NCAM2: variants seen among roughly 807,000 people sequenced by gnomAD.
The protein encoded by NCAM2 is N-CAM-2.
Under a neutral mutation model 98.1 loss-of-function variants are expected in NCAM2, and 30 were observed. The observed-to-expected ratio is 0.31, with a 90% CI of 0.23 to 0.41. NCAM2 has a LOEUF of 0.41. Ranked by LOEUF, NCAM2 falls within the 10% of genes least tolerant of loss-of-function variation. The pLI is 1.00. For synonymous variants in NCAM2, 368 were observed against 342.4 expected, an observed-to-expected ratio of 1.07 and a Z score of -0.83; for missense variants, 867 against 1,005.8, an observed-to-expected ratio of 0.86 and a Z score of 1.87.
At chr21:21,436,101 T>G (rs1978318635) in intron 12 of NCAM2, among the ~76,000 whole-genome samples, 1 of 152,228 alleles carries the variant, frequency 6.6e-6, no homozygotes, top group African/African-American at 2.4e-5. Flanking sequence ...ATAACATGAT[T>G]TTTGCTGACA....
intron 1 of NCAM2, among the ~76,000 whole-genome samples, chr21:21,276,368 T>G (rs2072728896): frequency 6.6e-6 from 1 of 152,082 alleles, no homozygotes; most frequent in African/African-American, 2.4e-5. Context: ...CCAACTCTAC[T>G]TATAAGATTG....
intron 1 of NCAM2, among the ~76,000 whole-genome samples, chr21:21,264,473 G>C (rs551988450): frequency 6.6e-6 from 1 of 151,968 alleles, no homozygotes; most frequent in South Asian, 2.1e-4. Flanking sequence ...ACTACCATTT[G>C]ACCTAGCAAT....
chr21:21,379,750 A>G (rs1018262120), intron 9 of NCAM2, among the ~76,000 whole-genome samples: 1 of 152,036 alleles, frequency 6.6e-6, no homozygotes, highest in Non-Finnish European at 1.5e-5. Context: ...TGTCAGTTAG[A>G]TCAAGGTAAA....
chr21:21,416,743 T>C (rs1408220415), intron 10 of NCAM2, among the ~76,000 whole-genome samples: 6 of 152,176 alleles, frequency 3.9e-5, no homozygotes, highest in Non-Finnish European at 8.8e-5. Flanking sequence ...TATATTATCT[T>C]ATATTTTCAT....
chr21:21,201,374 G>A (rs1031085413), intron 1 of NCAM2, among the ~76,000 whole-genome samples: 22 of 152,088 alleles, frequency 1.4e-4, no homozygotes, highest in African/African-American at 5.1e-4. Context: ...CAGGTGCCAC[G>A]GCCTGTGACC....
At chr21:21,151,678 T>A (rs1440080998) in intron 1 of NCAM2, among the ~76,000 whole-genome samples, 1 of 152,086 alleles carries the variant, frequency 6.6e-6, no homozygotes, top group Non-Finnish European at 1.5e-5. Flanking sequence ...CTCCGTTATA[T>A]CTAATCATGT....
chr21:21,049,365 A>G (rs1183622297), intron 1 of NCAM2, among the ~76,000 whole-genome samples: 1 of 152,086 alleles, frequency 6.6e-6, no homozygotes, highest in Non-Finnish European at 1.5e-5. Flanking sequence ...AAATTCTAAC[A>G]TAATTTTTCA....
intron 8 of NCAM2, among the ~76,000 whole-genome samples, chr21:21,346,950 A>G (rs1369191332): frequency 6.6e-6 from 1 of 151,964 alleles, no homozygotes; most frequent in African/African-American, 2.4e-5. Flanking sequence ...ATGCAATCTA[A>G]TGATAAATCA....
At chr21:21,403,006 G>A (rs1006387109) in intron 9 of NCAM2, among the ~76,000 whole-genome samples, 4 of 152,064 alleles carry the variant, frequency 2.6e-5, no homozygotes, top group Admixed American at 1.3e-4. Flanking sequence ...ACTGATGTGA[G>A]TTTATATCTT....
intron 15 of NCAM2, among the ~76,000 whole-genome samples, chr21:21,486,607 A>G (rs894478196): frequency 1.3e-5 from 2 of 152,188 alleles, no homozygotes; most frequent in Non-Finnish European, 1.5e-5. Context: ...TGATCTTTCC[A>G]ATAAATTAGA....
intron 1 of NCAM2, among the ~76,000 whole-genome samples, chr21:21,164,949 T>C (rs2067903779): frequency 6.6e-6 from 1 of 152,330 alleles, no homozygotes; most frequent in African/African-American, 2.4e-5. Flanking sequence ...AAAAATTGAT[T>C]GAATTTGTAT....
intron 12 of NCAM2, among the ~76,000 whole-genome samples, chr21:21,464,543 A>G (rs1408225475): frequency 1.3e-5 from 2 of 152,248 alleles, no homozygotes; most frequent in Non-Finnish European, 2.9e-5. Flanking sequence ...ACCAAACAAA[A>G]TGCTAAATAA....
intron 1 of NCAM2, among the ~76,000 whole-genome samples, chr21:21,172,697 C>A (rs2146855302): frequency 6.6e-6 from 1 of 152,192 alleles, no homozygotes; most frequent in South Asian, 2.1e-4. Context: ...TCTAGAGCTG[C>A]AGGCGATTCA....
At chr21:20,999,837 C>A (rs1434931708) in intron 1 of NCAM2, among the ~76,000 whole-genome samples, 2 of 152,164 alleles carry the variant, frequency 1.3e-5, no homozygotes, top group Non-Finnish European at 2.9e-5. Context: ...TATCATTCTT[C>A]AGCAGGGCTT....
intron 1 of NCAM2, among the ~76,000 whole-genome samples, chr21:21,220,459 G>T (rs1361222308): frequency 6.6e-6 from 1 of 152,092 alleles, no homozygotes; most frequent in Admixed American, 6.6e-5. Context: ...ACACAGCCTA[G>T]GTTTGTAGTA....
intron 1 of NCAM2, among the ~76,000 whole-genome samples, chr21:21,039,467 A>G (rs767314091): frequency 2.6e-5 from 4 of 152,326 alleles, no homozygotes; most frequent in Non-Finnish European, 5.9e-5. Context: ...CAACACATAA[A>G]AATGATAAAT....
At chr21:21,082,045 A>C (rs1042336822) in intron 1 of NCAM2, among the ~76,000 whole-genome samples, 7 of 151,076 alleles carry the variant, frequency 4.6e-5, no homozygotes, top group African/African-American at 1.7e-4. Context: ...CTGACCAACA[A>C]GATGAAACCC....
At chr21:21,128,728 T>C (rs1351487085) in intron 1 of NCAM2, among the ~76,000 whole-genome samples, 1 of 151,918 alleles carries the variant, frequency 6.6e-6, no homozygotes, top group African/African-American at 2.4e-5. Flanking sequence ...GAAAAATGAG[T>C]TGAAAAGCAT....
chr21:21,372,088 G>A lies in NCAM2; in HGVS notation c.1045-1775G>A, dbSNP rs74471673. On this transcript the variant is annotated intron_variant, in intron 8 of 17. Coordinates refer to ENST00000400546, the MANE Select transcript of NCAM2 (RefSeq NM_004540.5). ...TTTGACAATAAACGTCTAGTCAGGTGAGGCCACAAAAAATAACCTATAAAT... is the reference window on the plus strand; with the variant it reads ...TTTGACAATAAACGTCTAGTCAGGTAAGGCCACAAAAAATAACCTATAAAT... Among the ~76,000 whole-genome samples the A allele has an allele frequency of 9.8e-3, 1,492 of 151,816 alleles. 8 individuals carry two copies. The highest frequency in any genetic ancestry group is 0.028 in the South Asian group (135 of 4,832).
Sources: allele counts gnomAD v4.1 joint callset (sites outside exome capture counted in the v4.1 genomes callset), GRCh38; gene constraint gnomAD v4.1.1; transcripts MANE v1.5; gene names NCBI Gene and HGNC (gene_info 2026-07-23, HGNC 2026-07-21).